The following KIF24 variants were observed in gnomAD, a reference collection of about 807,000 sequenced individuals.
KIF24 encodes kinesin family member 24, also known as kinesin-like protein KIF24.
KIF24 carries 81 observed loss-of-function variants against 118.9 expected under a neutral mutation model. The ratio of observed to expected loss-of-function variants is 0.68; its 90% CI spans 0.57 to 0.82. The LOEUF is 0.82. KIF24 is among the 40% of genes least tolerant of loss of function. The probability of loss-of-function intolerance (pLI) is 0.00; values close to 1 mark genes in which losing one functional copy is unlikely to be tolerated. For missense variants in KIF24, 1,560 were observed against 1,661.6 expected (o/e 0.94, Z 1.06); for synonymous variants, 599 against 610.0 (o/e 0.98, Z 0.27).
intron 2 of KIF24, among the ~76,000 whole-genome samples, chr9:34,310,477 G>GC (rs1837095720): frequency 6.6e-6 from 1 of 151,990 alleles, no homozygotes; most frequent in African/African-American, 2.4e-5. Flanking sequence ...ACAGATCCTG[G>GC]CAAGTAGCAG....
chr9:34,308,688 C>A (rs1029242805), intron 2 of KIF24, among the ~76,000 whole-genome samples: 3 of 152,110 alleles, frequency 2.0e-5, no homozygotes, highest in Non-Finnish European at 4.4e-5. Flanking sequence ...ATGTTTGGTC[C>A]TTTTTAAAAT....
chr9:34,306,210 C>A (rs746568572), intron 3 of KIF24, 42 bp downstream of exon 3: 4 of 1,321,892 alleles, frequency 3.0e-6, no homozygotes, highest in Admixed American at 4.4e-5. Context: ...AAATGACATA[C>A]TTGATAATAT....
At chr9:34,264,309 A>G (rs1179324961) in intron 8 of KIF24, among the ~76,000 whole-genome samples, 3 of 151,996 alleles carry the variant, frequency 2.0e-5, no homozygotes, top group Non-Finnish European at 1.5e-5. Context: ...ACATGCCTGT[A>G]ATCCCAGTTA....
intron 8 of KIF24, among the ~76,000 whole-genome samples, chr9:34,268,510 T>TC (rs138261679): frequency 1.9e-4 from 2 of 10,546 alleles, no homozygotes; most frequent in Admixed American, 1.6e-3. Flanking sequence ...ATTTTCTTTC[T>TC]TTTTTTTTTT....
At chr9:34,260,845 C>A (rs1305521506) in intron 9 of KIF24, among the ~76,000 whole-genome samples, 4 of 152,080 alleles carry the variant, frequency 2.6e-5, no homozygotes, top group African/African-American at 9.7e-5. Flanking sequence ...GTGGCACACA[C>A]CTGTAGTCCC....
intron 1 of KIF24, among the ~76,000 whole-genome samples, chr9:34,316,070 G>A (rs1313713953): frequency 6.6e-6 from 1 of 151,546 alleles, no homozygotes; most frequent in Non-Finnish European, 1.5e-5. Context: ...TTCCATTATC[G>A]GCCGGGCGTG....
chr9:34,300,160 T>C (rs896988777), intron 3 of KIF24, among the ~76,000 whole-genome samples: 68 of 152,134 alleles, frequency 4.5e-4, no homozygotes, highest in African/African-American at 1.6e-3. Flanking sequence ...ATCTACAAGT[T>C]AGAGAAAAAG....
chr9:34,322,954 A>T (rs1196819998), intron 1 of KIF24, among the ~76,000 whole-genome samples: 1 of 152,230 alleles, frequency 6.6e-6, no homozygotes, highest in Admixed American at 6.5e-5. Flanking sequence ...GCATAAGGTC[A>T]CCAAGAACAC....
rs1049650128 is a variant in KIF24, at chr9:34,265,535, A to T, written c.1444-2363T>A. Among the ~76,000 whole-genome samples the T allele has an allele frequency of 2.0e-5, 3 of 152,316 alleles. No individual in the cohort carries two copies. In the East Asian group the frequency reaches 5.8e-4, roughly 29 times the overall value. ...ATAAATAAGGCAATTCGTAAAACCA[A>T]AACCAAACAAATGAACCTAACACTA... On this transcript the variant is annotated intron_variant, in intron 8 of 12. Coordinates refer to ENST00000402558, the MANE Select transcript of KIF24 (RefSeq NM_194313.4).
At chr9:34,306,700 G>GC (rs1836935929) in intron 2 of KIF24, among the ~76,000 whole-genome samples, 1 of 152,098 alleles carries the variant, frequency 6.6e-6, no homozygotes, top group Non-Finnish European at 1.5e-5. Flanking sequence ...TACTTGGGAG[G>GC]CTGAGGCAGG....
intron 1 of KIF24, chr9:34,319,349 G>A: frequency 2.3e-6 from 2 of 872,144 alleles, no homozygotes; most frequent in Non-Finnish European, 3.9e-6. Flanking sequence ...CCCATGACCT[G>A]CAGAAACTCC....
intron 2 of KIF24, among the ~76,000 whole-genome samples, chr9:34,306,673 G>A (rs1214763855): frequency 6.6e-6 from 1 of 152,018 alleles, no homozygotes; most frequent in Non-Finnish European, 1.5e-5. Context: ...ATAGTGGCGT[G>A]CGCCTGTAAT....
intron 4 of KIF24, among the ~76,000 whole-genome samples, chr9:34,294,221 G>C (rs529987738): frequency 2.6e-5 from 4 of 152,234 alleles, no homozygotes; most frequent in Non-Finnish European, 5.9e-5. Flanking sequence ...CCCACAGTGT[G>C]AAATTACAAG....
intron 9 of KIF24, 31 bp downstream of exon 9, chr9:34,263,070 G>T: frequency 6.5e-7 from 1 of 1,536,474 alleles, no homozygotes; most frequent in Non-Finnish European, 9.0e-7. Context: ...GAATGAATCA[G>T]AACAAACTCA....
intron 5 of KIF24, 59 bp downstream of exon 5, chr9:34,290,115 G>A (rs1489595216): frequency 6.5e-6 from 8 of 1,225,584 alleles, no homozygotes; most frequent in African/African-American, 1.5e-5. Context: ...GTGATTCTCC[G>A]GGACTCTGGC....
chr9:34,318,479 GCCACAGCAGCT>G lies in KIF24; in HGVS notation c.-25-7119_-25-7109del. On this transcript the variant is annotated intron_variant, in intron 1 of 12. Transcript: ENST00000402558. The surrounding 1 kb of genome is among the most constrained non-coding windows in gnomAD (Gnocchi z 4.9). ...GGCGACCGAGGTGAAGAAACCTGCA[GCCACAGCAGCT>G]CCTGGCACCGCAGAGAAGCTGAGCC... 1 of 803,946 alleles carries G rather than the reference GCCACAGCAGCT, an allele frequency of 1.2e-6. No individual in the cohort carries two copies. Among genetic ancestry groups the G allele is most frequent in the South Asian group, 1.4e-5 (1 of 69,876 alleles). 49.8% of individuals were successfully genotyped at this position (803,946 alleles called of 1,614,324 possible). A position where few individuals can be genotyped will look rare whatever the true frequency, so the allele number is the denominator to read the frequency against.
At chr9:34,287,661 T>G (rs1181699059) in intron 5 of KIF24, among the ~76,000 whole-genome samples, 1 of 152,184 alleles carries the variant, frequency 6.6e-6, no homozygotes, top group Non-Finnish European at 1.5e-5. Flanking sequence ...ACAGAAGGAT[T>G]GGAGGGAAAC....
chr9:34,326,751 T>C (rs1303837566), intron 1 of KIF24, among the ~76,000 whole-genome samples: 1 of 152,142 alleles, frequency 6.6e-6, no homozygotes, highest in Non-Finnish European at 1.5e-5. Flanking sequence ...ATGTAGGGTG[T>C]ACTGGGCCAC....
intron 1 of KIF24, among the ~76,000 whole-genome samples, chr9:34,314,324 C>CT (rs1563962731): frequency 6.6e-6 from 1 of 151,988 alleles, no homozygotes; most frequent in African/African-American, 2.4e-5. Context: ...CCACCACGCC[C>CT]GGCTAATTTT....
Sources: allele counts gnomAD v4.1 joint callset (sites outside exome capture counted in the v4.1 genomes callset), GRCh38; gene constraint gnomAD v4.1.1; non-coding constraint Gnocchi (gnomAD v3.1); transcripts MANE v1.5; gene names NCBI Gene and HGNC (gene_info 2026-07-23, HGNC 2026-07-21).